Variants in WDR4 observed in about 807,000 individuals in gnomAD.
The protein encoded by WDR4 is WDR4 tRNA N7-guanosine methyltransferase non-catalytic subunit, also known as tRNA (guanine-N(7)-)-methyltransferase non-catalytic subunit WDR4.
Under a neutral mutation model 48.6 loss-of-function variants are expected in WDR4, and 47 were observed. That is an observed-to-expected ratio of 0.97 (90% CI 0.77 to 1.23). The LOEUF (loss-of-function observed/expected upper bound fraction) is 1.23. Ranked by LOEUF, WDR4 falls within the 50% of genes most tolerant of loss-of-function variation. The probability of loss-of-function intolerance (pLI) is 0.00; values close to 1 mark genes in which losing one functional copy is unlikely to be tolerated. For synonymous variants in WDR4, 268 were observed against 230.0 expected (o/e 1.17, Z -1.49); for missense variants, 606 against 551.6 (o/e 1.10, Z -0.99).
chr21:42,883,305 G>A (rs1004559928), upstream of WDR4, among the ~76,000 whole-genome samples: 4 of 130,250 alleles, frequency 3.1e-5, no homozygotes, highest in East Asian at 2.2e-4. Flanking sequence ...AAATGGGCAA[G>A]AAGTTACCCT....
At position 42,850,120 on chromosome 21, in the gene WDR4, G is replaced by A. The variant is rs375403604; in HGVS notation, c.1168C>T (p.Arg390Trp). 2.9e-5 allele frequency: 46 copies of A among 1,613,948 alleles called. No individual in the cohort carries two copies. The South Asian group carries it at 3.1e-4, about 11-fold the overall frequency. ...CCGTCGGGCCCAGGCGGGGGACTCC[G>A]GCGCCGCTGCTTCTTCTCTAGCTGC... ...QQQLEKKQRR[R>W]SPPPGPDGHA... The change falls in exon 11 of 11, where the codon CGG becomes TGG. Residue 390 changes from arginine (R) to tryptophan (W), a missense_variant. By Grantham distance (101) the Arg-to-Trp change is moderately radical. Coordinates refer to ENST00000398208, the MANE Select transcript of WDR4 (RefSeq NM_018669.6).
chr21:42,850,462 G>C (rs913893971), intron 10 of WDR4, among the ~76,000 whole-genome samples: 1 of 152,224 alleles, frequency 6.6e-6, no homozygotes, highest in Non-Finnish European at 1.5e-5. Context: ...GGGCAAAGAT[G>C]AAAGAATGTA....
intron 6 of WDR4, among the ~76,000 whole-genome samples, chr21:42,858,703 A>C (rs1190046892): frequency 2.0e-5 from 3 of 152,150 alleles, no homozygotes; most frequent in Non-Finnish European, 4.4e-5. Flanking sequence ...ACCGCTGACG[A>C]AGCCTGACCC....
At position 42,862,473 on chromosome 21, in the gene WDR4, G is replaced by A. The variant is rs192557436; in HGVS notation, c.454-79C>T. ...TCAAGTCCCTCATGGAAGAAGGCAG[G>A]GAAGCTGCAGCCTGGCCGCCAAGAG... On this transcript the variant is annotated intron_variant, in intron 4 of 10. Transcript: ENST00000398208. The surrounding 1 kb of genome is among the most constrained non-coding windows in gnomAD (Gnocchi z 4.3). 6 of 1,365,162 alleles carry A rather than the reference G, an allele frequency of 4.4e-6. No homozygotes were observed. In the African/African-American group the frequency reaches 5.8e-5, roughly 13 times the overall value. The allele number at this position is 1,365,162 out of a possible 1,614,324, so 84.6% of individuals were successfully genotyped here. A position where few individuals can be genotyped will look rare whatever the true frequency, so the allele number is the denominator to read the frequency against.
At chr21:42,875,231 C>T (rs2058464272) in intron 2 of WDR4, among the ~76,000 whole-genome samples, 2 of 151,950 alleles carry the variant, frequency 1.3e-5, no homozygotes, top group African/African-American at 4.8e-5. Context: ...GGTAACATGG[C>T]GAAACCACGT....
At chr21:42,875,711 T>C (rs1043915019) in intron 2 of WDR4, among the ~76,000 whole-genome samples, 5 of 152,012 alleles carry the variant, frequency 3.3e-5, no homozygotes, top group Non-Finnish European at 7.4e-5. Context: ...TCTCAAAAAA[T>C]AATAATAACG....
chr21:42,859,372 T>C (rs1602716713), intron 6 of WDR4, among the ~76,000 whole-genome samples: 1 of 152,084 alleles, frequency 6.6e-6, no homozygotes, highest in Admixed American at 6.6e-5. Context: ...GAGATCCTGA[T>C]CCCCGATACC....
the WDR4 span, among the ~76,000 whole-genome samples, chr21:42,891,228 A>G: frequency 6.6e-6 from 1 of 151,874 alleles, no homozygotes; most frequent in South Asian, 2.1e-4. Context: ...AGGCTGAGGC[A>G]AGAGAATCAC....
chr21:42,859,930 G>A (rs915264062), intron 5 of WDR4, among the ~76,000 whole-genome samples: 4 of 152,130 alleles, frequency 2.6e-5, no homozygotes, highest in Admixed American at 1.3e-4. Flanking sequence ...AGTCGGGGAG[G>A]TGAGTGAGGT....
intron 5 of WDR4, among the ~76,000 whole-genome samples, chr21:42,860,506 C>T (rs970451080): frequency 2.0e-5 from 3 of 152,258 alleles, no homozygotes; most frequent in Non-Finnish European, 4.4e-5. Flanking sequence ...TCCCGGGGAC[C>T]CTGGAATGGG....
intron 1 of WDR4, 173 bp downstream of exon 1, chr21:42,879,234 C>A (rs1343271280): frequency 1.5e-6 from 2 of 1,332,002 alleles, no homozygotes; most frequent in East Asian, 6.0e-5. Flanking sequence ...ACCCTCCAGG[C>A]GCAGAGACGC....
intron 7 of WDR4, 73 bp from the exon 8 acceptor site, chr21:42,854,699 G>A (rs1294291563): frequency 2.1e-6 from 3 of 1,453,248 alleles, no homozygotes; most frequent in Non-Finnish European, 2.8e-6. Flanking sequence ...GATCCAACAA[G>A]AGCAAGACCG....
At chr21:42,879,544 TC>T (rs1407721095), upstream of WDR4, 1 of 1,600,562 alleles carries the variant, frequency 6.2e-7, no homozygotes, top group Non-Finnish European at 8.5e-7. Flanking sequence ...CAGAGCCTCT[TC>T]CTGTCCGCAC....
chr21:42,844,585 C>A (rs1375873055), downstream of WDR4, among the ~76,000 whole-genome samples: 1 of 152,204 alleles, frequency 6.6e-6, no homozygotes, highest in African/African-American at 2.4e-5. Flanking sequence ...CGGAACCCCA[C>A]GTCGGCTGAG....
chr21:42,865,952 T>G (rs1209186887), intron 3 of WDR4, among the ~76,000 whole-genome samples: 3 of 152,034 alleles, frequency 2.0e-5, no homozygotes, highest in African/African-American at 2.4e-5. Context: ...AACAGGGCAC[T>G]GAGGACACCA....
At chr21:42,848,296 G>A (rs545201153), downstream of WDR4, among the ~76,000 whole-genome samples, 13 of 151,990 alleles carry the variant, frequency 8.6e-5, no homozygotes, top group African/African-American at 2.7e-4. Context: ...CAAATCACGC[G>A]GCGCACACCT....
chr21:42,872,085 GGAGA>G (rs2058380704), intron 3 of WDR4, among the ~76,000 whole-genome samples: 1 of 151,884 alleles, frequency 6.6e-6, no homozygotes, highest in Non-Finnish European at 1.5e-5. Flanking sequence ...CCCAGGTTCG[GGAGA>G]TTCTCCTGCC....
At chr21:42,868,955 C>G (rs2058309837) in intron 3 of WDR4, among the ~76,000 whole-genome samples, 1 of 152,236 alleles carries the variant, frequency 6.6e-6, no homozygotes, top group Non-Finnish European at 1.5e-5. Context: ...ACAGTGCAAA[C>G]AATGTAACAA....
Position 42,862,388 on chromosome 21 carries a change from T to G in WDR4, c.460A>C (p.Ser154Arg). 1 of 1,605,052 alleles carries G rather than the reference T, an allele frequency of 6.2e-7. No homozygotes were observed. Among genetic ancestry groups the G allele is most frequent in the South Asian group, 1.1e-5 (1 of 89,372 alleles). Reference protein sequence around the residue: ...HLSMLLDVAVSPDDRFILTAD... With the variant: ...HLSMLLDVAVRPDDRFILTAD... The stretch of plus-strand genomic sequence containing the variant: ...GTGAGGATGAAGCGGTCATCAGGAC[T>G]CACAGCCTGCATCACCAGGGGCCAG... Residue 154 changes from serine (S) to arginine (R), a missense_variant, in exon 5 of 11, where the codon AGT becomes CGT. Coordinates refer to ENST00000398208, the MANE Select transcript of WDR4 (RefSeq NM_018669.6). This position sits in a 1 kb window ranked among gnomAD's most constrained non-coding sequence, Gnocchi z 4.3.
Sources: gnomAD v4.1 joint callset for allele counts (sites outside exome capture counted in the v4.1 genomes callset) on GRCh38, gnomAD v4.1.1 for gene constraint, Gnocchi (gnomAD v3.1) non-coding constraint, MANE v1.5 for transcripts, NCBI Gene and HGNC (gene_info 2026-07-23, HGNC 2026-07-21) for gene names.